The following ADK variants were observed in gnomAD, a reference collection of about 807,000 sequenced individuals.
ADK encodes the protein N6,N6-dimethyladenosine kinase.
Under a neutral mutation model 44.7 loss-of-function variants are expected in ADK, and 24 were observed. The ratio of observed to expected loss-of-function variants is 0.54; its 90% CI spans 0.39 to 0.76. The LOEUF is 0.76. ADK is among the 30% of genes least tolerant of loss of function. The probability of loss-of-function intolerance (pLI) is 0.00; values close to 1 mark genes in which losing one functional copy is unlikely to be tolerated. For synonymous variants in ADK, 128 were observed against 142.6 expected (o/e 0.90, Z 0.73); for missense variants, 321 against 425.1 (o/e 0.76, Z 2.15).
intron 3 of ADK, among the ~76,000 whole-genome samples, chr10:74,274,508 GC>G (rs60705533): frequency 1 from 151,568 of 151,568 alleles, 75,784 homozygotes; most frequent in Non-Finnish European, 1. Context: ...GTTGCAGTGA[GC>G]CTGAAATTGC....
intron 7 of ADK, among the ~76,000 whole-genome samples, chr10:74,582,874 A>G (rs1303899049): frequency 2.0e-5 from 3 of 152,178 alleles, no homozygotes; most frequent in African/African-American, 7.2e-5. Context: ...AAAAAGTTAT[A>G]TGATATATTC....
At chr10:74,283,912 C>T (rs1398253322) in intron 3 of ADK, among the ~76,000 whole-genome samples, 1 of 151,770 alleles carries the variant, frequency 6.6e-6, no homozygotes, top group African/African-American at 2.4e-5. Context: ...GATCTCCTGA[C>T]CTTGTGATCC....
chr10:74,543,219 A>AC (rs1354586641), intron 7 of ADK, among the ~76,000 whole-genome samples: 6 of 151,608 alleles, frequency 4.0e-5, no homozygotes, highest in African/African-American at 1.5e-4. Context: ...TAAAAAAAAA[A>AC]AAAAAACTGA....
At position 74,662,992 on chromosome 10, in the gene ADK, G is replaced by A. The variant is rs1421995066; in HGVS notation, c.878-7191G>A. Among the ~76,000 whole-genome samples the A allele has an allele frequency of 5.9e-5, 9 of 152,176 alleles. No individual in the cohort carries two copies. The East Asian group carries it at 1.7e-3, about 29-fold the overall frequency. On this transcript the variant is annotated intron_variant, in intron 9 of 10. Transcript: ENST00000539909. Reference sequence around the variant, plus strand: ...GCCTGTAATCCCAGCACTTTGGGAGGCCAAGGTGGGTGGATCATGGATCAC... The same window carrying A: ...GCCTGTAATCCCAGCACTTTGGGAGACCAAGGTGGGTGGATCATGGATCAC...
At chr10:74,251,000 C>T (rs1845632338) in intron 3 of ADK, among the ~76,000 whole-genome samples, 2 of 152,070 alleles carry the variant, frequency 1.3e-5, no homozygotes, top group African/African-American at 4.8e-5. Context: ...TCTCAGTCTC[C>T]CAAATTGCTA....
At chr10:74,368,433 T>G (rs1273281235) in intron 4 of ADK, among the ~76,000 whole-genome samples, 2 of 152,136 alleles carry the variant, frequency 1.3e-5, no homozygotes, top group Non-Finnish European at 2.9e-5. Flanking sequence ...GCAGTGTTTT[T>G]TTTTTTAACT....
intron 4 of ADK, among the ~76,000 whole-genome samples, chr10:74,317,563 GAAA>G (rs11310691): frequency 3.8e-5 from 5 of 131,122 alleles, no homozygotes; most frequent in East Asian, 2.2e-4. Context: ...CTGTCTCTAG[GAAA>G]AAAAAAAAAA....
chr10:74,657,801 A>G (rs1312537929), intron 9 of ADK, among the ~76,000 whole-genome samples: 1 of 152,244 alleles, frequency 6.6e-6, no homozygotes, highest in African/African-American at 2.4e-5. Context: ...AGACATTTGT[A>G]AAGAAGTAAT....
At chr10:74,212,934 G>T (rs903442819) in intron 2 of ADK, among the ~76,000 whole-genome samples, 78 of 152,148 alleles carry the variant, frequency 5.1e-4, no homozygotes, top group Non-Finnish European at 1.0e-4. Context: ...TTTGGTTTTG[G>T]TGACTGATGG....
At position 74,709,237 on chromosome 10, in the gene ADK, A is replaced by G. The variant is rs1370505731; in HGVS notation, c.*792A>G. The G allele has an allele frequency of 6.6e-6, 1 of 152,218 alleles. No homozygotes were observed. Among genetic ancestry groups the G allele is most frequent in the Non-Finnish European group, 1.5e-5 (1 of 68,038 alleles). The allele number at this position is 152,218 out of a possible 1,614,324, so 9.4% of individuals were successfully genotyped here. ...GAATTATGAAGAACAGCAATATAAT[A>G]CACTGAAGAATAACTTAGTATCAGA... is the stretch of plus-strand genomic sequence containing the variant. On this transcript the variant is annotated 3_prime_UTR_variant, in exon 11 of 11. Coordinates refer to ENST00000539909, the MANE Select transcript of ADK (RefSeq NM_006721.4).
chr10:74,438,271 C>T (rs1413681390), intron 6 of ADK, among the ~76,000 whole-genome samples: 1 of 151,472 alleles, frequency 6.6e-6, no homozygotes, highest in Non-Finnish European at 1.5e-5. Context: ...GTCACCCAGG[C>T]TGGAGTGCAA....
intron 6 of ADK, among the ~76,000 whole-genome samples, chr10:74,439,668 A>G (rs1403645350): frequency 6.6e-6 from 1 of 152,192 alleles, no homozygotes; most frequent in Non-Finnish European, 1.5e-5. Context: ...GAAAATGATT[A>G]GTTAAATCAG....
chr10:74,475,249 T>G (rs1349811625), intron 6 of ADK, among the ~76,000 whole-genome samples: 1 of 152,224 alleles, frequency 6.6e-6, no homozygotes, highest in Admixed American at 6.5e-5. Flanking sequence ...TGTGTCACTT[T>G]TACTACTCAA....
chr10:74,683,809 A>G (rs558936337), intron 10 of ADK, among the ~76,000 whole-genome samples: 5 of 152,308 alleles, frequency 3.3e-5, no homozygotes, highest in South Asian at 2.1e-4. Flanking sequence ...TCCGTAAGGG[A>G]AAATATTGAC....
chr10:74,273,020 A>T (rs1381192541), intron 3 of ADK, among the ~76,000 whole-genome samples: 5 of 152,186 alleles, frequency 3.3e-5, no homozygotes, highest in Non-Finnish European at 2.9e-5. Context: ...AGATGAGAGG[A>T]TTTAAAAATG....
intron 6 of ADK, among the ~76,000 whole-genome samples, chr10:74,487,766 A>G (rs1229710477): frequency 6.6e-6 from 1 of 152,066 alleles, no homozygotes; most frequent in Non-Finnish European, 1.5e-5. Context: ...CCCAAGATGC[A>G]AAGTATCAGG....
chr10:74,513,410 G>T (rs1848426404), intron 6 of ADK, among the ~76,000 whole-genome samples: 1 of 152,032 alleles, frequency 6.6e-6, no homozygotes, highest in Non-Finnish European at 1.5e-5. Context: ...ACATATCTGG[G>T]TGCTTCAGTA....
chr10:74,219,735 A>G (rs1050698528), intron 2 of ADK, among the ~76,000 whole-genome samples: 18 of 151,218 alleles, frequency 1.2e-4, no homozygotes, highest in Middle Eastern at 3.4e-3. Context: ...CCGCTCAACT[A>G]CATGGAAACT....
chr10:74,236,994 A>G (rs888813292), intron 3 of ADK, among the ~76,000 whole-genome samples: 1 of 152,208 alleles, frequency 6.6e-6, no homozygotes, highest in Non-Finnish European at 1.5e-5. Context: ...GTTGATGGCT[A>G]CTGACTGATC....
Sources: allele counts gnomAD v4.1 joint callset (sites outside exome capture counted in the v4.1 genomes callset), GRCh38; gene constraint gnomAD v4.1.1; transcripts MANE v1.5; gene names NCBI Gene and HGNC (gene_info 2026-07-23, HGNC 2026-07-21).